The following CHST15 variants were observed in gnomAD, a reference collection of about 807,000 sequenced individuals.
CHST15 encodes the protein B cell RAG associated protein (GALNAC4S-6ST).
In CHST15, 30 loss-of-function variants were observed where a neutral mutation model predicts 53.6. The observed-to-expected ratio is 0.56, with a 90% CI of 0.42 to 0.76. CHST15 has a LOEUF of 0.76. Among genes scored for constraint, CHST15 ranks in the 30% least tolerant of loss-of-function variants. The probability of loss-of-function intolerance (pLI) is 0.00; values close to 1 mark genes in which losing one functional copy is unlikely to be tolerated. For synonymous variants in CHST15, 296 were observed against 289.8 expected (o/e 1.02, Z -0.22); for missense variants, 627 against 740.5 (o/e 0.85, Z 1.78).
chr10:124,071,448 T>C (rs1346789036), intron 1 of CHST15, among the ~76,000 whole-genome samples: 4 of 152,190 alleles, frequency 2.6e-5, no homozygotes, highest in African/African-American at 9.7e-5. Flanking sequence ...CTGAGTCAAA[T>C]TCCAGCAAGA....
At position 124,024,056 on chromosome 10, in the gene CHST15, G is replaced by C. The variant is rs1357449778; in HGVS notation, c.1191-2644C>G. Among the ~76,000 whole-genome samples the C allele has an allele frequency of 6.6e-6, 1 of 152,210 alleles. No homozygotes were observed. Among genetic ancestry groups the C allele is most frequent in the East Asian group, 1.9e-4 (1 of 5,180 alleles). On this transcript the variant is annotated intron_variant, in intron 5 of 7. Coordinates refer to ENST00000435907, the MANE Select transcript of CHST15 (RefSeq NM_001270764.2). This position sits in a 1 kb window ranked among gnomAD's most constrained non-coding sequence, Gnocchi z 4.0. ...GACAGGGTTTCACTGTGTTGGCCAG[G>C]CTGGTCTCGAACTCCAGACCTCAGG...
chr10:124,089,342 T>C (rs1399792016), intron 1 of CHST15, among the ~76,000 whole-genome samples: 6 of 152,228 alleles, frequency 3.9e-5, no homozygotes, highest in African/African-American at 1.4e-4. Context: ...TCTTCTTTCA[T>C]ACAAATATGC....
At position 124,009,729 on chromosome 10, in the gene CHST15, G is replaced by A. The variant is rs80055910; in HGVS notation, c.*420C>T. On this transcript the variant is annotated 3_prime_UTR_variant, in exon 8 of 8. Transcript: ENST00000435907. ...CTCTAGGGGGAAAAAAAGGGAACGT[G>A]AAGTGTAAGTTCCAGCCAGGCCTGT... 5.5e-3 allele frequency: 5,664 copies of A among 1,028,430 alleles called. 139 individuals carry two copies. The African/African-American group carries it at 0.061, about 11-fold the overall frequency. The allele number at this position is 1,028,430 out of a possible 1,614,324, so 63.7% of individuals were successfully genotyped here.
chr10:124,041,069 C>T (rs1212298620), intron 4 of CHST15, among the ~76,000 whole-genome samples: 3 of 152,132 alleles, frequency 2.0e-5, no homozygotes, highest in Non-Finnish European at 4.4e-5. Flanking sequence ...TTGCAAAAAA[C>T]TAGATAACAG....
At chr10:124,057,516 C>G (rs1480627991) in intron 1 of CHST15, among the ~76,000 whole-genome samples, 2 of 152,150 alleles carry the variant, frequency 1.3e-5, no homozygotes, top group Non-Finnish European at 2.9e-5. Context: ...GCAGCGTGTC[C>G]GTTCGTACAG....
rs138211985 is a variant in CHST15 at position 124,073,786 on chromosome 10, CTGTT to C, written c.-513+19679_-513+19682del. 9.6e-3 allele frequency among the ~76,000 whole-genome samples: 1,455 copies of C among 152,346 alleles called. 7 individuals are homozygous for C. The highest frequency in any genetic ancestry group is 0.016 in the Non-Finnish European group (1,100 of 68,040). ...TCAGAGGCGCCAAACCAAAGCTCCTCTGTTTGTGCATTTTAAAATGGTTAACAGA... is the reference window on the plus strand; with the variant it reads ...TCAGAGGCGCCAAACCAAAGCTCCTCTGTGCATTTTAAAATGGTTAACAGA... On this transcript the variant is annotated intron_variant, in intron 1 of 7. Transcript: ENST00000435907.
chr10:124,085,246 T>C (rs1949380293), intron 1 of CHST15, among the ~76,000 whole-genome samples: 1 of 152,244 alleles, frequency 6.6e-6, no homozygotes, highest in East Asian at 1.9e-4. Flanking sequence ...AAGCTATTTA[T>C]ACCAGCTATA....
At position 124,016,835 on chromosome 10, in the gene CHST15, T is replaced by C. The variant is rs1221308602; in HGVS notation, c.1348-4355A>G. 3.3e-5 allele frequency among the ~76,000 whole-genome samples: 5 copies of C among 152,142 alleles called. No homozygotes were observed. In the East Asian group the frequency reaches 9.6e-4, roughly 29 times the overall value. ...ACAAAGGTTAGATCCCTTTCACCTC[T>C]CACAGATGGAGTTTTAGAAACCTTT... On this transcript the variant is annotated intron_variant, in intron 6 of 7. Transcript: ENST00000435907.
intron 1 of CHST15, among the ~76,000 whole-genome samples, chr10:124,072,273 G>A (rs1241074912): frequency 1.3e-5 from 2 of 152,154 alleles, no homozygotes; most frequent in Non-Finnish European, 2.9e-5. Flanking sequence ...CCCAGCTGGG[G>A]CTCTGCTGCT....
chr10:124,024,125 G>A lies in CHST15; in HGVS notation c.1191-2713C>T, dbSNP rs149127980. ...CTCCCAAAGTGCTGGGATTACGGGC[G>A]TGAGCCACCACGCCCAGCCGCCATC... On this transcript the variant is annotated intron_variant, in intron 5 of 7. Coordinates refer to ENST00000435907, the MANE Select transcript of CHST15 (RefSeq NM_001270764.2). This position sits in a 1 kb window ranked among gnomAD's most constrained non-coding sequence, Gnocchi z 4.0. 6.6e-4 allele frequency among the ~76,000 whole-genome samples: 101 copies of A among 152,286 alleles called. No homozygotes were observed. The highest frequency in any genetic ancestry group is 3.4e-3 in the Middle Eastern group (1 of 294).
chr10:124,021,112 T>C (rs1946761825), intron 6 of CHST15, 144 bp downstream of exon 6: 1 of 1,504,648 alleles, frequency 6.6e-7, no homozygotes, highest in Non-Finnish European at 8.9e-7. Context: ...CCATGAATAA[T>C]GGGGAACAGC....
intron 4 of CHST15, among the ~76,000 whole-genome samples, chr10:124,040,904 T>G (rs1426025571): frequency 6.6e-6 from 1 of 152,258 alleles, no homozygotes; most frequent in Non-Finnish European, 1.5e-5. Flanking sequence ...AGGCTTTCCT[T>G]TTTCATTCAT....
chr10:124,042,494 G>A (rs1319429233), intron 3 of CHST15, 47 bp from the exon 4 acceptor site: 1 of 1,596,742 alleles, frequency 6.3e-7, no homozygotes, highest in Admixed American at 1.7e-5. Flanking sequence ...AGTTGCTACT[G>A]CTGGAGCGAT....
intron 1 of CHST15, among the ~76,000 whole-genome samples, chr10:124,055,990 C>T (rs1948367163): frequency 1.3e-5 from 2 of 152,200 alleles, no homozygotes; most frequent in South Asian, 4.1e-4. Flanking sequence ...CCAGTACAAA[C>T]CTGCGGGTAC....
intron 5 of CHST15, among the ~76,000 whole-genome samples, chr10:124,026,207 G>C (rs1052152739): frequency 6.6e-6 from 1 of 152,206 alleles, no homozygotes; most frequent in Non-Finnish European, 1.5e-5. Context: ...ATGCGGACAG[G>C]AGCACTTCCC....
chr10:124,088,251 C>T (rs1414942160), intron 1 of CHST15, among the ~76,000 whole-genome samples: 2 of 152,228 alleles, frequency 1.3e-5, no homozygotes, highest in African/African-American at 4.8e-5. Context: ...GCTCCTGCTG[C>T]ACTTTGCCAA....
intron 1 of CHST15, among the ~76,000 whole-genome samples, chr10:124,061,947 C>T (rs564837699): frequency 2.6e-5 from 4 of 152,032 alleles, no homozygotes; most frequent in Non-Finnish European, 5.9e-5. Flanking sequence ...TGCACTGTGT[C>T]CCCTCCTTTC....
chr10:124,084,696 T>A (rs1949363969), intron 1 of CHST15, among the ~76,000 whole-genome samples: 1 of 152,206 alleles, frequency 6.6e-6, no homozygotes, highest in African/African-American at 2.4e-5. Flanking sequence ...GAGAACCTCC[T>A]GCTCCCTCCA....
In CHST15 at chr10:124,045,995, C is replaced by A. The variant is rs750731230; in HGVS notation, c.218G>T (p.Arg73Leu). The A allele has an allele frequency of 3.0e-5, 48 of 1,613,952 alleles. No individual in the cohort carries two copies. The highest frequency in any genetic ancestry group is 3.8e-5 in the Non-Finnish European group (45 of 1,180,024). ...GCTACATCGCTTCCCCTTTTTGAAG[C>A]GCAAAAACCCACCCCAGTTTTCGTT... ...EGNENWGGFL[R>L]FKKGKRCSLV... is the part of the protein sequence containing the mutation. Residue 73 changes from arginine to leucine, a missense_variant, in exon 2 of 8, where the codon CGC becomes CTC. This residue lies in a region of CHST15 where 187 missense variants were observed against 251.8 expected (regional missense o/e 0.74). Coordinates refer to ENST00000435907, the MANE Select transcript of CHST15 (RefSeq NM_001270764.2).
Sources: allele counts gnomAD v4.1 joint callset (sites outside exome capture counted in the v4.1 genomes callset), GRCh38; gene constraint gnomAD v4.1.1; regional missense constraint gnomAD v4.1.1; non-coding constraint Gnocchi (gnomAD v3.1); transcripts MANE v1.5; gene names NCBI Gene and HGNC (gene_info 2026-07-23, HGNC 2026-07-21).